Variants in DSCAM observed in about 807,000 individuals in gnomAD.
DSCAM encodes DS cell adhesion molecule.
In DSCAM, 47 loss-of-function variants were observed where a neutral mutation model predicts 217.7. The ratio of observed to expected loss-of-function variants is 0.22; its 90% confidence interval spans 0.17 to 0.28. DSCAM has a LOEUF of 0.28. Ranked by LOEUF, DSCAM falls within the 10% of genes least tolerant of loss-of-function variation. The pLI is 1.00. For missense variants in DSCAM, 2,080 were observed against 2,618.3 expected (o/e 0.79, Z 4.49); for synonymous variants, 1,056 against 1,015.3 (o/e 1.04, Z -0.76).
intron 4 of DSCAM, among the ~76,000 whole-genome samples, chr21:40,368,012 C>T (rs984828472): frequency 2.6e-5 from 4 of 152,106 alleles, no homozygotes; most frequent in Non-Finnish European, 5.9e-5. Flanking sequence ...ATTTAAAAAT[C>T]AACACTTGAT....
intron 10 of DSCAM, among the ~76,000 whole-genome samples, chr21:40,283,620 AG>A (rs2073790880): frequency 6.6e-6 from 1 of 152,310 alleles, no homozygotes; most frequent in Middle Eastern, 3.4e-3. Flanking sequence ...GTCTGTAGAG[AG>A]GGCACTTGGA....
intron 11 of DSCAM, among the ~76,000 whole-genome samples, chr21:40,262,489 C>T (rs2073466388): frequency 6.6e-6 from 1 of 152,134 alleles, no homozygotes; most frequent in African/African-American, 2.4e-5. Context: ...ATAATTATAG[C>T]AACAGAAAAC....
At chr21:40,642,315 G>A (rs992532075) in intron 3 of DSCAM, among the ~76,000 whole-genome samples, 1 of 152,114 alleles carries the variant, frequency 6.6e-6, no homozygotes, top group Non-Finnish European at 1.5e-5. Context: ...AGCACAGCAG[G>A]GTGACATGGC....
chr21:40,366,018 A>G (rs747192020), intron 4 of DSCAM, among the ~76,000 whole-genome samples: 3 of 152,012 alleles, frequency 2.0e-5, no homozygotes, highest in Non-Finnish European at 2.9e-5. Context: ...TAGTCTGTTT[A>G]TATTCTCCCT....
chr21:40,189,106 G>C lies in DSCAM; in HGVS notation c.2489C>G (p.Pro830Arg), dbSNP rs769851751. ...GGACACAAGATAACGGGCCATCTCA[G>C]GGTTAATGATTCGGTCCTCCTTCTC... ...RWEKEDRIIN[P>R]EMARYLVSTK... The change falls in exon 12 of 33, where the codon CCT becomes CGT. Residue 830 changes from proline (P) to arginine (R), a missense_variant. Coordinates refer to ENST00000400454, the MANE Select transcript of DSCAM (RefSeq NM_001389.5). The C allele has an allele frequency of 2.5e-6, 4 of 1,614,130 alleles. No homozygotes were observed. The South Asian group carries it at 4.4e-5, about 18-fold the overall frequency.
intron 3 of DSCAM, among the ~76,000 whole-genome samples, chr21:40,602,875 G>A (rs1024945040): frequency 1.3e-5 from 2 of 151,692 alleles, no homozygotes; most frequent in Non-Finnish European, 2.9e-5. Context: ...CTTGTTTTAG[G>A]CTGATATTGC....
At chr21:40,703,261 A>G (rs1417643257) in intron 2 of DSCAM, among the ~76,000 whole-genome samples, 1 of 152,168 alleles carries the variant, frequency 6.6e-6, no homozygotes, top group African/African-American at 2.4e-5. Context: ...CTTGCCTGTA[A>G]TCCTAGCACT....
chr21:40,275,681 A>T (rs935950816), intron 11 of DSCAM, among the ~76,000 whole-genome samples: 1 of 152,326 alleles, frequency 6.6e-6, no homozygotes, highest in African/African-American at 2.4e-5. Flanking sequence ...ACAGCTTGCA[A>T]ATAACAAAAT....
intron 3 of DSCAM, among the ~76,000 whole-genome samples, chr21:40,421,880 G>C (rs955547083): frequency 6.6e-6 from 1 of 152,206 alleles, no homozygotes; most frequent in African/African-American, 2.4e-5. Context: ...GCTTAGAAGA[G>C]GTCTACAGAG....
At chr21:40,037,309 T>A (rs1232697138) in intron 32 of DSCAM, among the ~76,000 whole-genome samples, 23 of 147,916 alleles carry the variant, frequency 1.6e-4, no homozygotes, top group South Asian at 6.4e-4. Flanking sequence ...ATAAGCAACT[T>A]CAGCAAAGTC....
chr21:40,779,761 G>T (rs1356444163), intron 1 of DSCAM, among the ~76,000 whole-genome samples: 1 of 152,152 alleles, frequency 6.6e-6, no homozygotes, highest in East Asian at 1.9e-4. Context: ...CAAAGGGATG[G>T]CAGTGTAAAG....
At chr21:40,833,063 C>T (rs1268653261) in intron 1 of DSCAM, among the ~76,000 whole-genome samples, 3 of 152,260 alleles carry the variant, frequency 2.0e-5, no homozygotes, top group Admixed American at 2.0e-4. Flanking sequence ...GAACACCCCT[C>T]CCGGGGCCAT....
chr21:40,768,170 T>A (rs918083666), intron 1 of DSCAM, among the ~76,000 whole-genome samples: 1 of 152,192 alleles, frequency 6.6e-6, no homozygotes, highest in Non-Finnish European at 1.5e-5. Context: ...CACCCCTGCC[T>A]GAACTGCACC....
At chr21:40,531,538 G>A (rs1601720440) in intron 3 of DSCAM, among the ~76,000 whole-genome samples, 2 of 152,222 alleles carry the variant, frequency 1.3e-5, no homozygotes, top group African/African-American at 4.8e-5. Flanking sequence ...CCGGCTCAGA[G>A]AGGCAGCTGC....
At chr21:40,684,073 A>C (rs77307161) in intron 3 of DSCAM, among the ~76,000 whole-genome samples, 1 of 151,740 alleles carries the variant, frequency 6.6e-6, no homozygotes, top group African/African-American at 2.4e-5. Context: ...AAAAAAAAAA[A>C]AATAGCCAGG....
chr21:40,088,767 GTCC>G (rs1053117984), intron 21 of DSCAM, among the ~76,000 whole-genome samples: 8 of 152,186 alleles, frequency 5.3e-5, no homozygotes, highest in African/African-American at 1.7e-4. Flanking sequence ...AGTAGAGAAT[GTCC>G]TCAGCAGTAA....
chr21:40,794,873 G>C (rs777352726), intron 1 of DSCAM, among the ~76,000 whole-genome samples: 8 of 123,222 alleles, frequency 6.5e-5, no homozygotes, highest in Non-Finnish European at 1.0e-4. Context: ...CTTCAGGCCT[G>C]TTCTTAGTCA....
chr21:40,474,490 A>G (rs560034658), intron 3 of DSCAM, among the ~76,000 whole-genome samples: 1 of 152,198 alleles, frequency 6.6e-6, no homozygotes, highest in East Asian at 1.9e-4. Flanking sequence ...GAATCCTAAC[A>G]AGCATTGTAA....
intron 3 of DSCAM, among the ~76,000 whole-genome samples, chr21:40,517,477 G>A (rs73902659): frequency 0.076 from 11,483 of 150,892 alleles, 707 homozygotes; most frequent in African/African-American, 0.17. Flanking sequence ...GCCAGCCTTT[G>A]CAGCCTACCA....
Sources: gnomAD v4.1 joint callset for allele counts (sites outside exome capture counted in the v4.1 genomes callset) on GRCh38, gnomAD v4.1.1 for gene constraint, MANE v1.5 for transcripts, NCBI Gene and HGNC (gene_info 2026-07-23, HGNC 2026-07-21) for gene names.